The following ARID1B variants were observed in gnomAD, a reference collection of about 807,000 sequenced individuals.
ARID1B encodes the protein AT-rich interactive domain-containing protein 1B.
ARID1B carries 30 observed loss-of-function variants against 212.3 expected under a neutral mutation model. That is an observed-to-expected ratio of 0.14 (90% CI 0.11 to 0.19). The LOEUF is 0.19. Among genes scored for constraint, ARID1B ranks in the 10% least tolerant of loss-of-function variants. The pLI is 1.00. For synonymous variants in ARID1B, 1,402 were observed against 1,301.7 expected (o/e 1.08, Z -1.66); for missense variants, 2,891 against 3,204.0 (o/e 0.90, Z 2.36).
intron 4 of ARID1B, among the ~76,000 whole-genome samples, chr6:156,944,376 C>T (rs1010005619): frequency 5.3e-5 from 8 of 152,228 alleles, no homozygotes; most frequent in African/African-American, 9.6e-5. Context: ...ATTGGAGAGC[C>T]GCAGACCTTC....
chr6:157,068,780 A>G (rs1275187415), intron 4 of ARID1B, among the ~76,000 whole-genome samples: 1 of 152,220 alleles, frequency 6.6e-6, no homozygotes, highest in African/African-American at 2.4e-5. Context: ...ATGCATACAA[A>G]CACATCCTCT....
At chr6:157,081,486 AGT>A (rs1313799174) in intron 4 of ARID1B, among the ~76,000 whole-genome samples, 2 of 152,234 alleles carry the variant, frequency 1.3e-5, no homozygotes, top group African/African-American at 2.4e-5. Flanking sequence ...AAGTCGCGTG[AGT>A]GTGTAACAGT....
intron 4 of ARID1B, among the ~76,000 whole-genome samples, chr6:156,965,952 C>G (rs1794710678): frequency 6.6e-6 from 1 of 152,194 alleles, no homozygotes; most frequent in African/African-American, 2.4e-5. Flanking sequence ...TGTGTATTTA[C>G]ATACCTGCTT....
chr6:157,099,685 C>G (rs1183559571), intron 5 of ARID1B, among the ~76,000 whole-genome samples: 1 of 152,134 alleles, frequency 6.6e-6, no homozygotes, highest in Non-Finnish European at 1.5e-5. Context: ...GGCTGATCGT[C>G]CTTTATAGCT....
intron 3 of ARID1B, 111 bp downstream of exon 3, chr6:156,901,636 T>A: frequency 1.5e-6 from 2 of 1,368,898 alleles, no homozygotes; most frequent in Non-Finnish European, 1.9e-6. Flanking sequence ...GGAAAAAAAA[T>A]TAGTTTTGAG....
Position 157,204,012 on chromosome 6 carries a change from C to A in ARID1B, c.5394+16C>A, listed in dbSNP as rs2128385679. The A allele has an allele frequency of 6.2e-7, 1 of 1,613,712 alleles. No homozygotes were observed. Among genetic ancestry groups the A allele is most frequent in the South Asian group, 1.1e-5 (1 of 90,988 alleles). On this transcript the variant is annotated intron_variant, in intron 19 of 19. Coordinates refer to ENST00000636930, the MANE Select transcript of ARID1B (RefSeq NM_001374828.1). ...TCTCTCCCAGGTAAGCCAGCATAGT[C>A]CAACTAACAACCAAATTAGGATAGG...
chr6:156,956,537 A>C (rs1168403902), intron 4 of ARID1B, among the ~76,000 whole-genome samples: 1 of 152,036 alleles, frequency 6.6e-6, no homozygotes, highest in African/African-American at 2.4e-5. Flanking sequence ...GTCACCATGG[A>C]GGCTTCTTTA....
In ARID1B at chr6:157,063,183, G is replaced by A. The variant is rs117168716; in HGVS notation, c.2248-21479G>A. Among the ~76,000 whole-genome samples the A allele has an allele frequency of 1.4e-3, 215 of 151,810 alleles. 4 individuals are homozygous for A. In the East Asian group the frequency reaches 0.034, roughly 24 times the overall value. ...TTACTATCAAGTTCCAAGGGAGAGA[G>A]GACAGTTTCCAGGACAGGTGAATGA... On this transcript the variant is annotated intron_variant, in intron 4 of 19. Coordinates refer to ENST00000636930, the MANE Select transcript of ARID1B (RefSeq NM_001374828.1).
At chr6:157,132,556 A>G (rs572603538) in intron 6 of ARID1B, among the ~76,000 whole-genome samples, 1 of 152,252 alleles carries the variant, frequency 6.6e-6, no homozygotes, top group East Asian at 1.9e-4. Flanking sequence ...CTGTGCAGGG[A>G]AGAGCTGGTA....
intron 5 of ARID1B, among the ~76,000 whole-genome samples, chr6:157,105,080 A>G (rs1289475853): frequency 6.6e-6 from 1 of 152,232 alleles, no homozygotes; most frequent in Non-Finnish European, 1.5e-5. Flanking sequence ...TGATATTTCA[A>G]GTCACTGGGC....
At chr6:156,858,111 A>G (rs1354675512) in intron 2 of ARID1B, among the ~76,000 whole-genome samples, 4 of 152,182 alleles carry the variant, frequency 2.6e-5, no homozygotes, top group Non-Finnish European at 5.9e-5. Context: ...TGTTACGTGT[A>G]ATAAGTCAGG....
At chr6:157,026,736 G>A (rs539352658) in intron 4 of ARID1B, among the ~76,000 whole-genome samples, 6 of 152,170 alleles carry the variant, frequency 3.9e-5, no homozygotes, top group South Asian at 2.1e-4. Flanking sequence ...AGTTGGTCTC[G>A]AAATCCTGAG....
intron 13 of ARID1B, among the ~76,000 whole-genome samples, chr6:157,187,504 C>T (rs968672012): frequency 6.6e-5 from 10 of 152,178 alleles, no homozygotes; most frequent in Admixed American, 3.3e-4. Flanking sequence ...CTTCTCCCCA[C>T]CCTACTTCGC....
chr6:156,854,706 A>T (rs960629917), intron 2 of ARID1B, among the ~76,000 whole-genome samples: 4 of 152,236 alleles, frequency 2.6e-5, no homozygotes, highest in African/African-American at 7.2e-5. Context: ...CCACCTCTAG[A>T]TACCAGCTAA....
chr6:156,781,739 A>G (rs1177883587), intron 1 of ARID1B, among the ~76,000 whole-genome samples: 3 of 152,122 alleles, frequency 2.0e-5, no homozygotes, highest in Non-Finnish European at 4.4e-5. Flanking sequence ...ATAGAGAAGA[A>G]TCATGGAAAT....
chr6:156,981,937 T>C (rs1395228666), intron 4 of ARID1B, among the ~76,000 whole-genome samples: 1 of 152,134 alleles, frequency 6.6e-6, no homozygotes, highest in Non-Finnish European at 1.5e-5. Context: ...TTAAGAGACA[T>C]CCCTTCTGGA....
intron 2 of ARID1B, chr6:156,869,995 G>T: frequency 6.6e-6 from 1 of 152,058 alleles, no homozygotes. Flanking sequence ...TACACACCAG[G>T]GAGCAGTGGC....
chr6:156,919,122 T>C (rs966649578), intron 3 of ARID1B, among the ~76,000 whole-genome samples: 7 of 152,216 alleles, frequency 4.6e-5, no homozygotes, highest in African/African-American at 1.7e-4. Flanking sequence ...TTAATTGCTG[T>C]AGAAATCAGG....
chr6:156,820,111 T>C (rs2128011490), intron 1 of ARID1B, among the ~76,000 whole-genome samples: 1 of 152,168 alleles, frequency 6.6e-6, no homozygotes, highest in South Asian at 2.1e-4. Context: ...TGGGCAGGAA[T>C]GCTGTGCAGA....
Sources: allele counts gnomAD v4.1 joint callset (sites outside exome capture counted in the v4.1 genomes callset), GRCh38; gene constraint gnomAD v4.1.1; transcripts MANE v1.5; gene names NCBI Gene and HGNC (gene_info 2026-07-23, HGNC 2026-07-21).